The following ZCWPW2 variants were observed in gnomAD, a reference collection of about 807,000 sequenced individuals.
ZCWPW2 encodes zinc finger CW-type PWWP domain protein 2.
Under a neutral mutation model 46.6 loss-of-function variants are expected in ZCWPW2, and 45 were observed. That is an observed-to-expected ratio of 0.96 (90% CI 0.76 to 1.24). The LOEUF (loss-of-function observed/expected upper bound fraction) is 1.24, where lower values mean the gene tolerates loss of function less well. Ranked by LOEUF, ZCWPW2 falls within the 50% of genes most tolerant of loss-of-function variation. ZCWPW2 has a pLI of 0.00. For missense variants in ZCWPW2, 429 were observed against 403.9 expected, an observed-to-expected ratio of 1.06 and a Z score of -0.53; for synonymous variants, 152 against 137.1, an observed-to-expected ratio of 1.11 and a Z score of -0.76.
At chr3:28,476,781 C>G (rs1321309604) in intron 4 of ZCWPW2, among the ~76,000 whole-genome samples, 1 of 152,082 alleles carries the variant, frequency 6.6e-6, no homozygotes, top group African/African-American at 2.4e-5. Flanking sequence ...CTAGAGGGTC[C>G]CATCTGGGGG....
chr3:28,435,078 T>C (rs749067780), intron 3 of ZCWPW2, 32 bp from the exon 4 acceptor site: 27 of 1,601,042 alleles, frequency 1.7e-5, no homozygotes, highest in Non-Finnish European at 2.0e-5. Context: ...TTTAAAAGCA[T>C]CAAAATAATT....
At position 28,441,364 on chromosome 3, in the gene ZCWPW2, C is replaced by T. The variant is rs534291481; in HGVS notation, c.492+6095C>T. 7.9e-5 allele frequency among the ~76,000 whole-genome samples: 12 copies of T among 152,298 alleles called. No individual in the cohort carries two copies. The South Asian group carries it at 2.5e-3, about 32-fold the overall frequency. ...AAACCATTGGCTACAGCCCTTGAAT[C>T]AGTATATAATCACACATCTGGCGAT... On this transcript the variant is annotated intron_variant, in intron 4 of 9. Transcript: ENST00000383768.
At chr3:28,466,406 T>C (rs943435933) in intron 4 of ZCWPW2, among the ~76,000 whole-genome samples, 11 of 152,212 alleles carry the variant, frequency 7.2e-5, no homozygotes, top group African/African-American at 2.7e-4. Context: ...TTCTCATTTA[T>C]AATAGCAACA....
chr3:28,386,501 T>A (rs1695278455), intron 1 of ZCWPW2, among the ~76,000 whole-genome samples: 1 of 152,200 alleles, frequency 6.6e-6, no homozygotes, highest in South Asian at 2.1e-4. Flanking sequence ...GTTTATTCAT[T>A]TCTCTTATAC....
chr3:28,474,631 G>A (rs1454152158), intron 4 of ZCWPW2, among the ~76,000 whole-genome samples: 29 of 150,798 alleles, frequency 1.9e-4, no homozygotes, highest in Admixed American at 1.3e-3. Flanking sequence ...GCGCGCGCGC[G>A]CGCGCGCACA....
At chr3:28,513,063 A>G (rs1275467367) in intron 6 of ZCWPW2, among the ~76,000 whole-genome samples, 1 of 152,130 alleles carries the variant, frequency 6.6e-6, no homozygotes, top group Non-Finnish European at 1.5e-5. Context: ...TCTTCTAGTC[A>G]CACTTCCTAC....
At chr3:28,352,230 G>T (rs1343171448) in intron 1 of ZCWPW2, among the ~76,000 whole-genome samples, 1 of 151,752 alleles carries the variant, frequency 6.6e-6, no homozygotes, top group East Asian at 1.9e-4. Context: ...ATCCAAACCT[G>T]TGTGCATCTT....
At chr3:28,459,085 T>C (rs910466856) in intron 4 of ZCWPW2, among the ~76,000 whole-genome samples, 13 of 152,084 alleles carry the variant, frequency 8.5e-5, no homozygotes, top group African/African-American at 2.9e-4. Flanking sequence ...AAATACCTAT[T>C]CTTGGCCAGG....
At chr3:28,469,274 C>A (rs193151792) in intron 4 of ZCWPW2, among the ~76,000 whole-genome samples, 53 of 151,978 alleles carry the variant, frequency 3.5e-4, no homozygotes, top group African/African-American at 1.3e-3. Context: ...GAAAAATAAC[C>A]TTCATTAAAA....
chr3:28,413,378 G>A lies in ZCWPW2; in HGVS notation c.310G>A (p.Val104Ile), dbSNP rs773789090. 5 of 1,608,212 alleles carry A rather than the reference G, an allele frequency of 3.1e-6. No individual in the cohort carries two copies. Among genetic ancestry groups the A allele is most frequent in the East Asian group, 2.2e-5 (1 of 44,720 alleles). ...GCTCCCTCTTGGAAGCCTGGTTTTG[G>A]TAAAATTACAGAATTGGCCAAGGTA... ...SQLPLGSLVLVKLQNWPSWPG... is the reference protein window; with the variant it reads ...SQLPLGSLVLIKLQNWPSWPG... The change falls in exon 3 of 10, where the codon GTA becomes ATA. Residue 104 changes from valine (V) to isoleucine (I), a missense_variant. Physicochemically the swap from Val to Ile is conservative, Grantham distance 29. Transcript: ENST00000383768.
intron 1 of ZCWPW2, among the ~76,000 whole-genome samples, chr3:28,364,184 A>G (rs1443844067): frequency 6.6e-6 from 1 of 152,230 alleles, no homozygotes; most frequent in Non-Finnish European, 1.5e-5. Flanking sequence ...TCATGGGAGT[A>G]TAAGTTGGTA....
intron 4 of ZCWPW2, among the ~76,000 whole-genome samples, chr3:28,462,466 C>G (rs1383042027): frequency 6.6e-6 from 1 of 152,174 alleles, no homozygotes; most frequent in Non-Finnish European, 1.5e-5. Flanking sequence ...ACCTTTTAGG[C>G]ACAATGACTT....
intron 2 of ZCWPW2, among the ~76,000 whole-genome samples, chr3:28,396,450 T>A (rs1451996767): frequency 6.6e-6 from 1 of 152,234 alleles, no homozygotes; most frequent in Admixed American, 6.5e-5. Context: ...ATTTCATTTT[T>A]AAAATGAAGG....
intron 2 of ZCWPW2, among the ~76,000 whole-genome samples, chr3:28,408,975 G>A (rs1009751991): frequency 2.6e-5 from 4 of 151,918 alleles, no homozygotes; most frequent in East Asian, 3.9e-4. Flanking sequence ...GAGCCATTTC[G>A]GACCAATTAC....
intron 6 of ZCWPW2, among the ~76,000 whole-genome samples, chr3:28,511,527 T>TA (rs1230509864): frequency 2.0e-5 from 3 of 152,122 alleles, no homozygotes; most frequent in Admixed American, 6.6e-5. Context: ...GAATTTTCTT[T>TA]AAAAAAATAC....
intron 6 of ZCWPW2, among the ~76,000 whole-genome samples, chr3:28,506,341 G>C (rs11923748): frequency 0.029 from 4,419 of 151,948 alleles, 191 homozygotes; most frequent in African/African-American, 0.095. Context: ...CCTGGGCCCA[G>C]TCCCAGAGTA....
chr3:28,490,878 GTTTAT>G (rs1699785440), intron 5 of ZCWPW2, among the ~76,000 whole-genome samples: 1 of 151,942 alleles, frequency 6.6e-6, no homozygotes. Context: ...TAAATGATCA[GTTTAT>G]TTTAATTAAT....
At chr3:28,363,095 C>A (rs1003177680) in intron 1 of ZCWPW2, among the ~76,000 whole-genome samples, 4 of 151,848 alleles carry the variant, frequency 2.6e-5, no homozygotes, top group Non-Finnish European at 4.4e-5. Context: ...AGAAAAAAAA[C>A]AAAACAAAGC....
At chr3:28,498,375 G>C (rs1700053183) in intron 6 of ZCWPW2, among the ~76,000 whole-genome samples, 1 of 151,744 alleles carries the variant, frequency 6.6e-6, no homozygotes, top group South Asian at 2.1e-4. Context: ...GTCACCTTAG[G>C]AAAGTTAACC....
Sources: gnomAD v4.1 joint callset for allele counts (sites outside exome capture counted in the v4.1 genomes callset) on GRCh38, gnomAD v4.1.1 for gene constraint, MANE v1.5 for transcripts, NCBI Gene and HGNC (gene_info 2026-07-23, HGNC 2026-07-21) for gene names.